The following FGF12 variants were observed in gnomAD, a reference collection of about 807,000 sequenced individuals.
FGF12 encodes the protein fibroblast growth factor 12, also known as fibroblast growth factor 12B.
Under a neutral mutation model 23.6 loss-of-function variants are expected in FGF12, and 14 were observed. The ratio of observed to expected loss-of-function variants is 0.59; its 90% CI spans 0.39 to 0.93. The LOEUF is 0.93. Ranked by LOEUF, FGF12 falls within the 40% of genes least tolerant of loss-of-function variation. The pLI is 0.00. For missense variants in FGF12, 175 were observed against 217.8 expected (o/e 0.80, Z 1.24); for synonymous variants, 62 against 77.3 (o/e 0.80, Z 1.04).
chr3:192,586,846 A>G (rs991657477), intron 2 of FGF12, among the ~76,000 whole-genome samples: 1 of 152,224 alleles, frequency 6.6e-6, no homozygotes, highest in African/African-American at 2.4e-5. Flanking sequence ...CTCTTTAAAA[A>G]AATCATTCAA....
chr3:192,634,654 G>A (rs1400836263), intron 2 of FGF12, among the ~76,000 whole-genome samples: 1 of 152,014 alleles, frequency 6.6e-6, no homozygotes, highest in Non-Finnish European at 1.5e-5. Context: ...AGTGTATACT[G>A]CAGTATACTT....
At chr3:192,438,579 G>C (rs1214645992) in intron 2 of FGF12, among the ~76,000 whole-genome samples, 3 of 152,164 alleles carry the variant, frequency 2.0e-5, no homozygotes, top group Non-Finnish European at 2.9e-5. Flanking sequence ...TAATTAATAA[G>C]CCTCTTTCTG....
intron 2 of FGF12, among the ~76,000 whole-genome samples, chr3:192,657,415 A>G (rs1716469841): frequency 9.3e-6 from 1 of 107,526 alleles, no homozygotes; most frequent in Admixed American, 8.5e-5. Context: ...ACTAGAGAGA[A>G]CTATTAAAAA....
chr3:192,497,790 T>C (rs1433743985), intron 2 of FGF12, among the ~76,000 whole-genome samples: 1 of 152,218 alleles, frequency 6.6e-6, no homozygotes, highest in Non-Finnish European at 1.5e-5. Flanking sequence ...CCTTTCACTC[T>C]CTATCCCCTC....
intron 2 of FGF12, among the ~76,000 whole-genome samples, chr3:192,593,771 T>C (rs1459212585): frequency 3.3e-5 from 5 of 151,976 alleles, no homozygotes; most frequent in Admixed American, 1.3e-4. Flanking sequence ...ATTTCTTTGT[T>C]CTGGGTTGCT....
chr3:192,507,650 T>C (rs2108837493), intron 2 of FGF12, among the ~76,000 whole-genome samples: 1 of 152,256 alleles, frequency 6.6e-6, no homozygotes, highest in South Asian at 2.1e-4. Context: ...CACTCTCCTT[T>C]TCACCACTTT....
chr3:192,539,231 A>AT (rs1725305304), intron 2 of FGF12, among the ~76,000 whole-genome samples: 1 of 152,160 alleles, frequency 6.6e-6, no homozygotes, highest in Non-Finnish European at 1.5e-5. Context: ...TTTAGAAACA[A>AT]TGCTCTCCAT....
At chr3:192,149,493 T>C (rs1208425413) in intron 5 of FGF12, among the ~76,000 whole-genome samples, 1 of 113,604 alleles carries the variant, frequency 8.8e-6, no homozygotes, top group Non-Finnish European at 1.8e-5. Flanking sequence ...GTCCCCAGAG[T>C]GTGATATTCC....
At chr3:192,651,206 T>C (rs1047394401) in intron 2 of FGF12, among the ~76,000 whole-genome samples, 2 of 152,198 alleles carry the variant, frequency 1.3e-5, no homozygotes, top group African/African-American at 2.4e-5. Context: ...AAACAGAACA[T>C]TGACCTTCTC....
chr3:192,191,821 G>A (rs1251754600), intron 4 of FGF12, among the ~76,000 whole-genome samples: 2 of 148,530 alleles, frequency 1.3e-5, no homozygotes, highest in Admixed American at 1.3e-4. Flanking sequence ...GGGAGACAGA[G>A]CGAGACTCCG....
chr3:192,609,412 C>T (rs1442035008), intron 2 of FGF12, among the ~76,000 whole-genome samples: 1 of 152,070 alleles, frequency 6.6e-6, no homozygotes, highest in Non-Finnish European at 1.5e-5. Context: ...AGCACCCAAA[C>T]CAGGGTAGGA....
intron 2 of FGF12, among the ~76,000 whole-genome samples, chr3:192,450,917 C>T (rs1722502986): frequency 6.6e-6 from 1 of 152,224 alleles, no homozygotes; most frequent in Admixed American, 6.5e-5. Context: ...CAACACACCT[C>T]AGCACCTTTG....
chr3:192,689,146 G>A (rs1003820432), intron 2 of FGF12, among the ~76,000 whole-genome samples: 1 of 152,008 alleles, frequency 6.6e-6, no homozygotes, highest in African/African-American at 2.4e-5. Context: ...ATAGATAGAA[G>A]GAATACATTC....
chr3:192,683,597 C>A (rs1240620040), intron 2 of FGF12, among the ~76,000 whole-genome samples: 1 of 152,236 alleles, frequency 6.6e-6, no homozygotes, highest in South Asian at 2.1e-4. Flanking sequence ...AAACATTTCC[C>A]CGCTCTATTA....
At chr3:192,646,755 T>C (rs1160654870) in intron 2 of FGF12, among the ~76,000 whole-genome samples, 2 of 152,314 alleles carry the variant, frequency 1.3e-5, no homozygotes, top group Non-Finnish European at 2.9e-5. Flanking sequence ...GGTTCTCTTT[T>C]GCAGTGCTGA....
At chr3:192,600,284 G>A (rs2108630467) in intron 2 of FGF12, among the ~76,000 whole-genome samples, 1 of 152,060 alleles carries the variant, frequency 6.6e-6, no homozygotes. Flanking sequence ...TGCTATTTTA[G>A]TTACTACAGC....
chr3:192,650,746 CT>C (rs1301708963), intron 2 of FGF12, among the ~76,000 whole-genome samples: 11 of 152,142 alleles, frequency 7.2e-5, no homozygotes, highest in African/African-American at 2.7e-4. Context: ...GAAACAGCAT[CT>C]CTTCAAGAGT....
chr3:192,548,362 T>C (rs1725548370), intron 2 of FGF12, among the ~76,000 whole-genome samples: 1 of 152,164 alleles, frequency 6.6e-6, no homozygotes, highest in Non-Finnish European at 1.5e-5. Flanking sequence ...AGAATTGATA[T>C]AAATTTCAGA....
At chr3:192,351,600 C>A (rs1718222905) in intron 3 of FGF12, among the ~76,000 whole-genome samples, 1 of 152,176 alleles carries the variant, frequency 6.6e-6, no homozygotes, top group Non-Finnish European at 1.5e-5. Flanking sequence ...AATCATTCCC[C>A]CTTCCCAAGC....
Sources: allele counts gnomAD v4.1 joint callset (sites outside exome capture counted in the v4.1 genomes callset), GRCh38; gene constraint gnomAD v4.1.1; transcripts MANE v1.5; gene names NCBI Gene and HGNC (gene_info 2026-07-23, HGNC 2026-07-21).